SLC5A10: variants seen among roughly 807,000 people sequenced by gnomAD.
The protein encoded by SLC5A10 is sodium/mannose cotransporter SLC5A10.
A neutral mutation model predicts 68.9 loss-of-function variants in SLC5A10; 55 were observed. The observed-to-expected ratio is 0.80, with a 90% CI of 0.64 to 1.00. The LOEUF (loss-of-function observed/expected upper bound fraction) is 1.00. SLC5A10 is among the 50% of genes least tolerant of loss of function. The pLI is 0.00. For synonymous variants in SLC5A10, 344 were observed against 344.8 expected (o/e 1.00, Z 0.02); for missense variants, 732 against 819.3 (o/e 0.89, Z 1.30).
At chr17:18,957,112 C>T (rs1395780976) in intron 1 of SLC5A10, among the ~76,000 whole-genome samples, 1 of 152,172 alleles carries the variant, frequency 6.6e-6, no homozygotes, top group Non-Finnish European at 1.5e-5. Context: ...TCTGTCACTG[C>T]ATTCCAGCCA....
intron 1 of SLC5A10, among the ~76,000 whole-genome samples, chr17:18,953,032 G>A (rs1737946): frequency 2.6e-5 from 4 of 151,996 alleles, no homozygotes; most frequent in East Asian, 1.9e-4. Flanking sequence ...CACGCTTAGC[G>A]CCTGGGGATG....
intron 9 of SLC5A10, chr17:18,988,551 G>A: frequency 7.1e-7 from 1 of 1,412,074 alleles, no homozygotes. Context: ...GGAGCCTCAG[G>A]CCCGGGACCA....
At chr17:18,953,551 A>T (rs1005234600) in intron 1 of SLC5A10, 1 of 152,748 alleles carries the variant, frequency 6.5e-6, no homozygotes, top group East Asian at 1.9e-4. Flanking sequence ...ATATGGAGAC[A>T]CCACCTACCT....
rs1465948740 is a variant in SLC5A10, at chr17:18,968,149, A to G, written c.454-903A>G. Among the ~76,000 whole-genome samples, 1 of 152,138 alleles carries G rather than the reference A, an allele frequency of 6.6e-6. No homozygotes were observed. Among genetic ancestry groups the G allele is most frequent in the African/African-American group, 2.4e-5 (1 of 41,428 alleles). On this transcript the variant is annotated intron_variant, in intron 5 of 14. Coordinates refer to ENST00000395645, the MANE Select transcript of SLC5A10 (RefSeq NM_001042450.4). This position sits in a 1 kb window ranked among gnomAD's most constrained non-coding sequence, Gnocchi z 4.1. ...GAGCTCAAAGGGGCCTGGGGCCTGC[A>G]CTTCCTGGGCCTCGTGCAGATGTGT...
chr17:18,968,817 C>A lies in SLC5A10; in HGVS notation c.454-235C>A. ...TGGGAAAGGCATTGGCCACTTTGGA[C>A]TTTATTAGCAACAGTAATGTCCCCT... On this transcript the variant is annotated intron_variant, in intron 5 of 14. Coordinates refer to ENST00000395645, the MANE Select transcript of SLC5A10 (RefSeq NM_001042450.4). The surrounding 1 kb of genome is among the most constrained non-coding windows in gnomAD (Gnocchi z 4.1). The A allele has an allele frequency of 5.6e-6, 3 of 532,100 alleles. No individual in the cohort carries two copies. The highest frequency in any genetic ancestry group is 1.0e-5 in the Non-Finnish European group (3 of 301,000). 33.0% of individuals were successfully genotyped at this position (532,100 alleles called of 1,614,324 possible). A position where few individuals can be genotyped will look rare whatever the true frequency, so the allele number is the denominator to read the frequency against.
At chr17:18,957,000 T>G (rs970414463) in intron 1 of SLC5A10, among the ~76,000 whole-genome samples, 1 of 151,880 alleles carries the variant, frequency 6.6e-6, no homozygotes, top group Non-Finnish European at 1.5e-5. Flanking sequence ...ACACAAAAAA[T>G]TAGCCAGGTG....
intron 9 of SLC5A10, among the ~76,000 whole-genome samples, chr17:19,006,010 C>CT (rs2043880204): frequency 6.6e-6 from 1 of 152,202 alleles, no homozygotes; most frequent in Admixed American, 6.5e-5. Flanking sequence ...CAGCTTCTCC[C>CT]TGTGTTCTTA....
chr17:18,998,199 G>A (rs1257211715), intron 9 of SLC5A10, among the ~76,000 whole-genome samples: 3 of 152,274 alleles, frequency 2.0e-5, no homozygotes, highest in African/African-American at 7.2e-5. Context: ...CAGGGCACAG[G>A]GTGGGACCCC....
At chr17:18,990,973 C>T (rs1471225555) in intron 9 of SLC5A10, among the ~76,000 whole-genome samples, 1 of 152,216 alleles carries the variant, frequency 6.6e-6, no homozygotes, top group Non-Finnish European at 1.5e-5. Flanking sequence ...ACCTTCTGCA[C>T]AAGAGACTGG....
chr17:18,955,744 G>A (rs2042485367), intron 1 of SLC5A10, among the ~76,000 whole-genome samples: 1 of 152,240 alleles, frequency 6.6e-6, no homozygotes, highest in South Asian at 2.1e-4. Flanking sequence ...GGTGGGAGTT[G>A]GAGCTGGAGA....
chr17:18,955,756 A>G (rs116143252), intron 1 of SLC5A10, among the ~76,000 whole-genome samples: 3,278 of 152,320 alleles, frequency 0.022, 122 homozygotes, highest in African/African-American at 0.073. Flanking sequence ...AGCTGGAGAG[A>G]GGCAGGAGCC....
In SLC5A10 at chr17:19,019,604, G is replaced by A. The variant is rs371168430; in HGVS notation, c.1410+13G>A. 8.1e-4 allele frequency: 1,299 copies of A among 1,609,880 alleles called. 12 individuals carry two copies. The African/African-American group carries it at 0.015, about 18-fold the overall frequency. ...TGCCAACGAGCAGGTGGGCGTCGGCGGTCTGCTCTCCCTGGGGACGTGCCA... is the reference window on the plus strand; with the variant it reads ...TGCCAACGAGCAGGTGGGCGTCGGCAGTCTGCTCTCCCTGGGGACGTGCCA... On this transcript the variant is annotated intron_variant, in intron 12 of 14. Coordinates refer to ENST00000395645, the MANE Select transcript of SLC5A10 (RefSeq NM_001042450.4).
rs963714799 is a variant in SLC5A10, at chr17:19,004,356, G to A, written c.983-9054G>A. 10 of 292,078 alleles carry A rather than the reference G, an allele frequency of 3.4e-5. No individual in the cohort carries two copies. Among genetic ancestry groups the A allele is most frequent in the Non-Finnish European group, 6.4e-5 (10 of 156,290 alleles). 18.1% of individuals were successfully genotyped at this position (292,078 alleles called of 1,614,324 possible). Reference sequence around the variant, plus strand: ...GTAAGGGATCGGAACAGCGGTGAGGGAGCGGTGGGCCACGTCCCAGGGCTC... The same window carrying A: ...GTAAGGGATCGGAACAGCGGTGAGGAAGCGGTGGGCCACGTCCCAGGGCTC... On this transcript the variant is annotated intron_variant, in intron 9 of 14. Transcript: ENST00000395645. The surrounding 1 kb of genome is among the most constrained non-coding windows in gnomAD (Gnocchi z 5.4).
At chr17:19,001,768 C>T (rs1226739404) in intron 9 of SLC5A10, among the ~76,000 whole-genome samples, 3 of 152,168 alleles carry the variant, frequency 2.0e-5, no homozygotes, top group African/African-American at 4.8e-5. Flanking sequence ...GAAGTCCTGG[C>T]CCTGGGAGCC....
At chr17:19,002,464 CCCGAAG>C (rs2043755037) in intron 9 of SLC5A10, among the ~76,000 whole-genome samples, 1 of 152,212 alleles carries the variant, frequency 6.6e-6, no homozygotes, top group Non-Finnish European at 1.5e-5. Flanking sequence ...CAGGATGGTC[CCCGAAG>C]CCAGCATTCT....
At chr17:18,964,303 T>C (rs1013472597) in intron 5 of SLC5A10, among the ~76,000 whole-genome samples, 2 of 152,144 alleles carry the variant, frequency 1.3e-5, no homozygotes, top group African/African-American at 4.8e-5. Context: ...AGAGTAAATA[T>C]TTTCAGCTTC....
At chr17:18,959,339 G>A in intron 3 of SLC5A10, 100 bp downstream of exon 3, 1 of 1,270,152 alleles carries the variant, frequency 7.9e-7, no homozygotes, top group South Asian at 1.3e-5. Context: ...GTCAGCCGAT[G>A]TCCAGGTGGG....
chr17:18,962,058 C>T (rs1190869277), intron 5 of SLC5A10, among the ~76,000 whole-genome samples: 1 of 152,336 alleles, frequency 6.6e-6, no homozygotes, highest in South Asian at 2.1e-4. Context: ...TCCACTCATA[C>T]TCTTCCTTCC....
chr17:19,010,127 C>A (rs542347038), intron 9 of SLC5A10, among the ~76,000 whole-genome samples: 4 of 152,190 alleles, frequency 2.6e-5, no homozygotes, highest in South Asian at 4.2e-4. Flanking sequence ...AGGCACGGAG[C>A]GGGTTTGAGC....
Sources: gnomAD v4.1 joint callset for allele counts (sites outside exome capture counted in the v4.1 genomes callset) on GRCh38, gnomAD v4.1.1 for gene constraint, Gnocchi (gnomAD v3.1) non-coding constraint, MANE v1.5 for transcripts, NCBI Gene and HGNC (gene_info 2026-07-23, HGNC 2026-07-21) for gene names.